PCSK2: variants seen among roughly 807,000 people sequenced by gnomAD.
PCSK2 encodes neuroendocrine convertase 2.
Under a neutral mutation model 69.7 loss-of-function variants are expected in PCSK2, and 14 were observed. The ratio of observed to expected loss-of-function variants is 0.20; its 90% CI spans 0.13 to 0.31. PCSK2 has a LOEUF of 0.31. Among genes scored for constraint, PCSK2 ranks in the 10% least tolerant of loss-of-function variants. The pLI is 1.00. For missense variants in PCSK2, 544 were observed against 842.5 expected (o/e 0.65, Z 4.39); for synonymous variants, 307 against 320.7 (o/e 0.96, Z 0.46).
At chr20:17,377,226 C>T (rs939500806) in intron 5 of PCSK2, among the ~76,000 whole-genome samples, 9 of 152,152 alleles carry the variant, frequency 5.9e-5, no homozygotes, top group Non-Finnish European at 1.0e-4. Context: ...TCTTTGGTTC[C>T]GTTCAAAATT....
intron 1 of PCSK2, among the ~76,000 whole-genome samples, chr20:17,257,019 C>A (rs1016028959): frequency 6.6e-5 from 10 of 152,104 alleles, no homozygotes; most frequent in Non-Finnish European, 1.0e-4. Context: ...TGCAGTCTAT[C>A]ATTGATGGGC....
chr20:17,296,152 C>A (rs761690117), intron 2 of PCSK2, among the ~76,000 whole-genome samples: 1 of 152,160 alleles, frequency 6.6e-6, no homozygotes, highest in Non-Finnish European at 1.5e-5. Context: ...CAGTGTAAAG[C>A]AGCAAGACAG....
intron 11 of PCSK2, among the ~76,000 whole-genome samples, chr20:17,468,465 T>C (rs1345392399): frequency 1.6e-5 from 2 of 122,642 alleles, no homozygotes; most frequent in Non-Finnish European, 3.5e-5. Context: ...AGCGTCCTGC[T>C]GTAGACAGGC....
intron 10 of PCSK2, among the ~76,000 whole-genome samples, chr20:17,460,327 G>A (rs1222721072): frequency 6.6e-6 from 1 of 152,102 alleles, no homozygotes; most frequent in Non-Finnish European, 1.5e-5. Flanking sequence ...ATGTTGAAGG[G>A]GTTTTCCAAG....
At chr20:17,305,742 A>G (rs980321716) in intron 2 of PCSK2, among the ~76,000 whole-genome samples, 1 of 152,232 alleles carries the variant, frequency 6.6e-6, no homozygotes, top group Non-Finnish European at 1.5e-5. Flanking sequence ...TTGCATTCCT[A>G]GCATTTGCAA....
At chr20:17,465,153 TG>T in intron 10 of PCSK2, 172 bp from the exon 11 acceptor site, 1 of 657,024 alleles carries the variant, frequency 1.5e-6, no homozygotes, top group Non-Finnish European at 2.8e-6. Context: ...ACTTATATAG[TG>T]GTTTTGAATG....
chr20:17,309,331 C>T (rs1461276975), intron 2 of PCSK2, among the ~76,000 whole-genome samples: 1 of 152,200 alleles, frequency 6.6e-6, no homozygotes, highest in East Asian at 1.9e-4. Flanking sequence ...ATGCAATCTT[C>T]TCATCCTTAC....
At chr20:17,347,934 GAGAA>G (rs11469177) in intron 2 of PCSK2, among the ~76,000 whole-genome samples, 1,403 of 49,332 alleles carry the variant, frequency 0.028, 135 homozygotes, top group African/African-American at 0.081. Context: ...AGAGAAAAAA[GAGAA>G]AGAAAGAAAG....
At chr20:17,317,305 A>T (rs1989719058) in intron 2 of PCSK2, among the ~76,000 whole-genome samples, 1 of 152,158 alleles carries the variant, frequency 6.6e-6, no homozygotes, top group South Asian at 2.1e-4. Flanking sequence ...CCCCTATTAA[A>T]CTTTATTCCT....
intron 2 of PCSK2, among the ~76,000 whole-genome samples, chr20:17,290,960 A>G (rs1988675759): frequency 6.6e-6 from 1 of 151,984 alleles, no homozygotes; most frequent in South Asian, 2.1e-4. Flanking sequence ...TGCCCTCAAT[A>G]ATGGCATTTA....
At chr20:17,468,844 G>T (rs777587613) in intron 11 of PCSK2, among the ~76,000 whole-genome samples, 3 of 152,238 alleles carry the variant, frequency 2.0e-5, no homozygotes, top group Admixed American at 6.5e-5. Flanking sequence ...TCCTCCCATG[G>T]ACAAGCATCT....
chr20:17,325,248 T>C lies in PCSK2; in HGVS notation c.283-33079T>C, dbSNP rs146440061. Among the ~76,000 whole-genome samples, 26 of 152,274 alleles carry C rather than the reference T, an allele frequency of 1.7e-4. No homozygotes were observed. In the East Asian group the frequency reaches 5.0e-3, roughly 29 times the overall value. ...AGCACCAAGCAGAAGGTCCAGCACA[T>C]ATTAGGTACCAAATAAATAGCTGTT... On this transcript the variant is annotated intron_variant, in intron 2 of 11. Coordinates refer to ENST00000262545, the MANE Select transcript of PCSK2 (RefSeq NM_002594.5).
chr20:17,319,785 A>T, intron 2 of PCSK2, among the ~76,000 whole-genome samples: 1 of 152,174 alleles, frequency 6.6e-6, no homozygotes, highest in East Asian at 1.9e-4. Context: ...AGGGACTTTG[A>T]ATCATGTAAG....
intron 5 of PCSK2, among the ~76,000 whole-genome samples, chr20:17,404,568 C>T (rs1029206278): frequency 6.6e-6 from 1 of 152,192 alleles, no homozygotes; most frequent in African/African-American, 2.4e-5. Context: ...TGATAACCCA[C>T]CTTCAGCTAG....
At chr20:17,280,792 T>C (rs1988280307) in intron 2 of PCSK2, among the ~76,000 whole-genome samples, 1 of 152,204 alleles carries the variant, frequency 6.6e-6, no homozygotes, top group Admixed American at 6.5e-5. Context: ...CTTTTGTCTT[T>C]CTAGCTGGCC....
chr20:17,319,522 A>G (rs1046092078), intron 2 of PCSK2, among the ~76,000 whole-genome samples: 1 of 152,202 alleles, frequency 6.6e-6, no homozygotes, highest in Non-Finnish European at 1.5e-5. Flanking sequence ...CTGGTGGTCA[A>G]CAGTGTTCCA....
chr20:17,411,185 T>A (rs1228952167), intron 6 of PCSK2, among the ~76,000 whole-genome samples: 1 of 152,176 alleles, frequency 6.6e-6, no homozygotes, highest in Non-Finnish European at 1.5e-5. Context: ...AGATGGGCAA[T>A]TTCTGCATTT....
intron 9 of PCSK2, among the ~76,000 whole-genome samples, chr20:17,454,656 T>C (rs2032885678): frequency 6.6e-6 from 1 of 152,216 alleles, no homozygotes; most frequent in Non-Finnish European, 1.5e-5. Context: ...TCTTTTCCTC[T>C]CTGGAGATTT....
chr20:17,338,757 C>G (rs1990429650), intron 2 of PCSK2, among the ~76,000 whole-genome samples: 1 of 151,962 alleles, frequency 6.6e-6, no homozygotes, highest in Non-Finnish European at 1.5e-5. Context: ...AGGACTGGGA[C>G]CTTCCTAGAG....
Sources: allele counts gnomAD v4.1 joint callset (sites outside exome capture counted in the v4.1 genomes callset), GRCh38; gene constraint gnomAD v4.1.1; transcripts MANE v1.5; gene names NCBI Gene and HGNC (gene_info 2026-07-23, HGNC 2026-07-21).